SLC25A18: variants seen among roughly 807,000 people sequenced by gnomAD.
The protein encoded by SLC25A18 is solute carrier family 25 member 18.
In SLC25A18, 24 loss-of-function variants were observed where a neutral mutation model predicts 31.1. The observed-to-expected ratio is 0.77, with a 90% CI of 0.56 to 1.08. SLC25A18 has a LOEUF of 1.08. Among genes scored for constraint, SLC25A18 ranks in the 50% least tolerant of loss-of-function variants. SLC25A18 has a pLI of 0.00. For missense variants in SLC25A18, 371 were observed against 418.5 expected (o/e 0.89, Z 0.99); for synonymous variants, 173 against 161.9 (o/e 1.07, Z -0.52).
In SLC25A18 at chr22:17,571,733, C is replaced by T. The variant is rs2057091810; in HGVS notation, c.-201+1747C>T. 2.1e-5 allele frequency among the ~76,000 whole-genome samples: 3 copies of T among 145,410 alleles called. No individual in the cohort carries two copies. The Admixed American group carries it at 2.1e-4, about 10-fold the overall frequency. On this transcript the variant is annotated intron_variant, in intron 2 of 10. Coordinates refer to ENST00000327451, the MANE Select transcript of SLC25A18 (RefSeq NM_031481.3). ...TCACACCACCGCACTCCAGCCTGGG[C>T]AATGCAGTGAGACTGTCTCAAAAAG... is the stretch of plus-strand genomic sequence containing the variant.
chr22:17,566,654 C>T (rs1413114717), intron 1 of SLC25A18, among the ~76,000 whole-genome samples: 3 of 152,114 alleles, frequency 2.0e-5, no homozygotes, highest in Admixed American at 6.5e-5. Context: ...TCAGGTGATC[C>T]GCCCACCTCA....
At chr22:17,574,330 C>CA (rs966696181) in intron 2 of SLC25A18, among the ~76,000 whole-genome samples, 2 of 152,020 alleles carry the variant, frequency 1.3e-5, no homozygotes, top group African/African-American at 4.8e-5. Flanking sequence ...AAAAAGAAAA[C>CA]AAAAAAATTC....
intron 2 of SLC25A18, 136 bp from the exon 3 acceptor site, chr22:17,579,609 G>A (rs966467541): frequency 7.2e-6 from 4 of 554,338 alleles, no homozygotes; most frequent in Admixed American, 5.0e-5. Context: ...CCAAAAGTTC[G>A]AGGATTCTGA....
rs1053134344 is a variant in SLC25A18 at position 17,567,668 on chromosome 22, A to G, written c.-263-2256A>G. ...ATTTTACCTCTCTATCCTTGCTTTT[A>G]TAATTCCATCAACATCTTTGCCTTT... On this transcript the variant is annotated intron_variant, in intron 1 of 10. Coordinates refer to ENST00000327451, the MANE Select transcript of SLC25A18 (RefSeq NM_031481.3). Among the ~76,000 whole-genome samples the G allele has an allele frequency of 2.8e-5, 4 of 143,742 alleles. 1 individual carries two copies. The highest frequency in any genetic ancestry group is 5.4e-5 in the African/African-American group (2 of 37,272). 94.3% of individuals were successfully genotyped at this position (143,742 alleles called of 152,430 possible).
chr22:17,580,557 C>T (rs952899299), intron 3 of SLC25A18: 23 of 989,998 alleles, frequency 2.3e-5, no homozygotes, highest in Non-Finnish European at 2.8e-5. Context: ...GGCATTCCCC[C>T]CCAGGCACGG....
rs200943228 is a variant in SLC25A18, at chr22:17,581,331, T to C, written c.144-27T>C. On this transcript the variant is annotated intron_variant, in intron 4 of 10. Transcript: ENST00000327451. The stretch of plus-strand genomic sequence containing the variant: ...GCGGCTGGGAGGCCCGCTGCACACT[T>C]ACTCCTACTCTGGCCTCTGCTTCCA... 33 of 1,613,642 alleles carry C rather than the reference T, an allele frequency of 2.0e-5. No homozygotes were observed. The East Asian group carries it at 7.4e-4, about 36-fold the overall frequency.
intron 5 of SLC25A18, 188 bp from the exon 6 acceptor site, chr22:17,582,375 A>T (rs1026170843): frequency 7.1e-5 from 27 of 378,792 alleles, no homozygotes; most frequent in African/African-American, 4.4e-4. Context: ...GACTCCATCT[A>T]AAAAAAAAGG....
intron 1 of SLC25A18, 86 bp from the exon 2 acceptor site, chr22:17,569,838 G>A: frequency 1.0e-6 from 1 of 985,412 alleles, no homozygotes; most frequent in Non-Finnish European, 1.2e-6. Flanking sequence ...CAGTGGTGAT[G>A]AGGGGGAGGC....
intron 5 of SLC25A18, 24 bp from the exon 6 acceptor site, chr22:17,582,539 C>T: frequency 6.4e-7 from 1 of 1,562,720 alleles, no homozygotes; most frequent in East Asian, 2.3e-5. Context: ...GGCCTTGACT[C>T]CCCATCTTGT....
chr22:17,580,990 G>A, intron 3 of SLC25A18, 47 bp from the exon 4 acceptor site: 4 of 1,508,210 alleles, frequency 2.7e-6, no homozygotes, highest in South Asian at 1.3e-5. Flanking sequence ...TCCCTAACCT[G>A]CCCCTCCCTC....
intron 7 of SLC25A18, among the ~76,000 whole-genome samples, chr22:17,585,688 G>T (rs1367221624): frequency 2.1e-5 from 3 of 142,096 alleles, no homozygotes; most frequent in African/African-American, 2.8e-5. Context: ...TCACTCTGTT[G>T]CCCAGGCTGG....
intron 2 of SLC25A18, among the ~76,000 whole-genome samples, chr22:17,571,392 G>A (rs1362281345): frequency 1.3e-5 from 2 of 152,140 alleles, no homozygotes; most frequent in East Asian, 1.9e-4. Flanking sequence ...ACTCCAGCAC[G>A]CTCCTCCCTG....
intron 6 of SLC25A18, 90 bp downstream of exon 6, chr22:17,582,743 C>A: frequency 4.3e-6 from 5 of 1,153,858 alleles, no homozygotes; most frequent in Non-Finnish European, 6.3e-6. Flanking sequence ...CCTCAGTATA[C>A]CTGCCTGCAT....
intron 6 of SLC25A18, among the ~76,000 whole-genome samples, chr22:17,583,048 G>A (rs1426277287): frequency 2.0e-5 from 3 of 148,312 alleles, no homozygotes; most frequent in African/African-American, 7.3e-5. Flanking sequence ...GCACTTCGGC[G>A]TGGGTCACAG....
In SLC25A18 at chr22:17,590,396, G is replaced by A; in HGVS notation, c.*160G>A. Reference sequence around the variant, plus strand: ...GAGAAACAGCCCTATATTCTAACAAGTTGAGCACAGCCTTCTTCCCCTTCG... The same window carrying A: ...GAGAAACAGCCCTATATTCTAACAAATTGAGCACAGCCTTCTTCCCCTTCG... On this transcript the variant is annotated 3_prime_UTR_variant, in exon 11 of 11. Coordinates refer to ENST00000327451, the MANE Select transcript of SLC25A18 (RefSeq NM_031481.3). 1.3e-6 allele frequency: 1 copy of A among 790,082 alleles called. No homozygotes were observed. Among genetic ancestry groups the A allele is most frequent in the Non-Finnish European group, 1.9e-6 (1 of 514,144 alleles). The allele number at this position is 790,082 out of a possible 1,614,324, so 48.9% of individuals were successfully genotyped here.
rs753949241 is a variant in SLC25A18, at chr22:17,583,409, C to G, written c.291-7C>G. 5.6e-6 allele frequency: 9 copies of G among 1,613,924 alleles called. No individual in the cohort carries two copies. The highest frequency in any genetic ancestry group is 6.8e-6 in the Non-Finnish European group (8 of 1,180,002). The stretch of plus-strand genomic sequence containing the variant: ...CGGCTGAAGGAGCCTGACGCCTGTT[C>G]CCATAGGATGCAGCGGAACCTGAAG... On this transcript the variant is annotated splice_region_variant and splice_polypyrimidine_tract_variant and intron_variant, in intron 6 of 10. Transcript: ENST00000327451.
chr22:17,564,636 C>T (rs889892615), intron 1 of SLC25A18, among the ~76,000 whole-genome samples: 2 of 152,000 alleles, frequency 1.3e-5, no homozygotes, highest in African/African-American at 2.4e-5. Flanking sequence ...CCAAGGCGGG[C>T]GGATCACGAG....
intron 1 of SLC25A18, among the ~76,000 whole-genome samples, chr22:17,566,251 C>G (rs1012899327): frequency 2.6e-5 from 4 of 152,254 alleles, no homozygotes; most frequent in African/African-American, 9.6e-5. Flanking sequence ...TTACCTACCC[C>G]CTGCTTCTAA....
rs1462253792 is a variant in SLC25A18 at position 17,583,491 on chromosome 22, C to T, written c.366C>T (p.Pro122=). ...AGMCQVVVTC[P]MEMLKIQLQD... ...TGTGCCAGGTCGTGGTGACCTGTCC[C>T]ATGGAAATGCTCAAGATTCAGCTGC... Residue 122 remains proline, a synonymous_variant, in exon 7 of 11, where the codon CCC becomes CCT. Coordinates refer to ENST00000327451, the MANE Select transcript of SLC25A18 (RefSeq NM_031481.3). The T allele has an allele frequency of 6.2e-7, 1 of 1,614,068 alleles. No individual in the cohort carries two copies. The highest frequency in any genetic ancestry group is 2.2e-5 in the East Asian group (1 of 44,866).
Sources: allele counts gnomAD v4.1 joint callset (sites outside exome capture counted in the v4.1 genomes callset), GRCh38; gene constraint gnomAD v4.1.1; transcripts MANE v1.5; gene names NCBI Gene and HGNC (gene_info 2026-07-23, HGNC 2026-07-21).